KIF18A: variants seen among roughly 807,000 people sequenced by gnomAD.
The protein encoded by KIF18A is kinesin-like protein KIF18A.
A neutral mutation model predicts 103.3 loss-of-function variants in KIF18A; 67 were observed. The ratio of observed to expected loss-of-function variants is 0.65; its 90% CI spans 0.53 to 0.79. KIF18A has a LOEUF of 0.79. Among genes scored for constraint, KIF18A ranks in the 30% least tolerant of loss-of-function variants. KIF18A has a pLI of 0.00. For synonymous variants in KIF18A, 367 were observed against 355.5 expected (o/e 1.03, Z -0.36); for missense variants, 1,032 against 1,062.5 (o/e 0.97, Z 0.40).
intron 13 of KIF18A, among the ~76,000 whole-genome samples, chr11:28,048,177 T>C (rs543916644): frequency 2.0e-5 from 3 of 152,250 alleles, no homozygotes; most frequent in African/African-American, 4.8e-5. Flanking sequence ...ACTACACTTA[T>C]AATAGTTCTG....
intron 10 of KIF18A, among the ~76,000 whole-genome samples, chr11:28,069,707 C>A (rs1332870350): frequency 6.7e-6 from 1 of 148,402 alleles, no homozygotes. Context: ...TTTTTTTTGG[C>A]GTTAAAGTAC....
chr11:28,086,659 C>G (rs1590705247), intron 6 of KIF18A, among the ~76,000 whole-genome samples: 1 of 152,144 alleles, frequency 6.6e-6, no homozygotes, highest in South Asian at 2.1e-4. Context: ...GGTCCTAGTT[C>G]CCCCAATTCT....
At position 28,079,157 on chromosome 11, in the gene KIF18A, T is replaced by C. The variant is rs140578636; in HGVS notation, c.1263-1988A>G. Among the ~76,000 whole-genome samples, 283 of 152,156 alleles carry C rather than the reference T, an allele frequency of 1.9e-3. 1 individual carries two copies. Among genetic ancestry groups the C allele is most frequent in the African/African-American group, 6.5e-3 (269 of 41,554 alleles). The stretch of plus-strand genomic sequence containing the variant: ...TTACCAGAAAGAAAGGTTCAATTAT[T>C]TAAAGCCATCAACTCCAGAAAAGTT... On this transcript the variant is annotated intron_variant, in intron 9 of 16. Coordinates refer to ENST00000263181, the MANE Select transcript of KIF18A (RefSeq NM_031217.4).
chr11:28,024,965 G>A (rs769231254), intron 15 of KIF18A, among the ~76,000 whole-genome samples: 4 of 151,876 alleles, frequency 2.6e-5, no homozygotes, highest in Non-Finnish European at 4.4e-5. Context: ...ACATATCTAT[G>A]ATAAAGTTTA....
At chr11:28,048,148 T>C (rs1029083004) in intron 13 of KIF18A, among the ~76,000 whole-genome samples, 8 of 152,140 alleles carry the variant, frequency 5.3e-5, no homozygotes, top group African/African-American at 1.9e-4. Context: ...TCACCTTCAT[T>C]ACCCACTTAC....
chr11:28,075,017 A>G (rs1361179802), intron 10 of KIF18A, among the ~76,000 whole-genome samples: 1 of 152,174 alleles, frequency 6.6e-6, no homozygotes, highest in Non-Finnish European at 1.5e-5. Context: ...TTTATCTTAT[A>G]CTGCTTAGAA....
chr11:28,037,249 G>A (rs940220213), intron 13 of KIF18A, among the ~76,000 whole-genome samples: 1 of 151,386 alleles, frequency 6.6e-6, no homozygotes, highest in Non-Finnish European at 1.5e-5. Flanking sequence ...TAAAATTCTG[G>A]GTGAATGAAA....
intron 1 of KIF18A, among the ~76,000 whole-genome samples, chr11:28,103,671 GAATT>G (rs1051211661): frequency 2.0e-5 from 3 of 151,822 alleles, no homozygotes; most frequent in African/African-American, 4.8e-5. Context: ...ACCAATGAAT[GAATT>G]AATAAACTAT....
chr11:28,062,415 C>T lies in KIF18A; in HGVS notation c.1692G>A (p.Gln564=), dbSNP rs773145540. 129 of 1,610,566 alleles carry T rather than the reference C, an allele frequency of 8.0e-5. No homozygotes were observed. Among genetic ancestry groups the T allele is most frequent in the Non-Finnish European group, 1.1e-4 (125 of 1,178,078 alleles). Residue 564 remains glutamine, a synonymous_variant, in exon 12 of 17, where the codon CAG becomes CAA. Coordinates refer to ENST00000263181, the MANE Select transcript of KIF18A (RefSeq NM_031217.4). ...HMMDLACLQE[Q]QHRQTEAVLN... The stretch of plus-strand genomic sequence containing the variant: ...CTCACGCTTCAGTCTGCCTGTGTTG[C>T]TGTTCCTGAAGACAAGCTAGATCCA...
At chr11:28,078,964 A>AT (rs1347516654) in intron 9 of KIF18A, among the ~76,000 whole-genome samples, 3 of 152,164 alleles carry the variant, frequency 2.0e-5, no homozygotes, top group Middle Eastern at 3.2e-3. Flanking sequence ...TATTTGGTAC[A>AT]TAATTTTTAT....
At chr11:28,069,673 C>T (rs1329135403) in intron 10 of KIF18A, among the ~76,000 whole-genome samples, 1 of 151,800 alleles carries the variant, frequency 6.6e-6, no homozygotes, top group Admixed American at 6.6e-5. Flanking sequence ...AATACAACGA[C>T]CAAATCAAAG....
chr11:28,076,887 T>C (rs1481001102), intron 10 of KIF18A, 120 bp downstream of exon 10: 3 of 506,900 alleles, frequency 5.9e-6, no homozygotes, highest in East Asian at 3.8e-5. Context: ...TGAGCTGAGG[T>C]TGTGCCACTG....
At chr11:28,056,562 T>A (rs868708161) in intron 13 of KIF18A, among the ~76,000 whole-genome samples, 13 of 152,028 alleles carry the variant, frequency 8.6e-5, no homozygotes, top group Admixed American at 4.6e-4. Context: ...GTTAAGAATT[T>A]TCCAAAACAA....
chr11:28,081,648 T>G (rs1174499711), intron 9 of KIF18A, among the ~76,000 whole-genome samples: 1 of 152,174 alleles, frequency 6.6e-6, no homozygotes, highest in Non-Finnish European at 1.5e-5. Flanking sequence ...ACGAGAAGAT[T>G]AATGTTGTTT....
In KIF18A at chr11:28,069,423, C is replaced by A; in HGVS notation, c.1426G>T (p.Ala476Ser). 5 of 1,610,902 alleles carry A rather than the reference C, an allele frequency of 3.1e-6. No homozygotes were observed. The highest frequency in any genetic ancestry group is 4.2e-6 in the Non-Finnish European group (5 of 1,178,830). The change falls in exon 11 of 17, where the codon GCC becomes TCC. Residue 476 changes from alanine (A) to serine (S), a missense_variant and splice_region_variant. Physicochemically the swap from Ala to Ser is moderately conservative, Grantham distance 99 (BLOSUM62 1). Coordinates refer to ENST00000263181, the MANE Select transcript of KIF18A (RefSeq NM_031217.4). ...AGTCTATGATCTCGTTTTCCAGTGG[C>A]CTGAAACACGATTCATTTAACAGTA... The part of the protein sequence containing the change: ...MMCSEDKVEK[A>S]TGKRDHRLAM...
At chr11:28,085,801 T>C (rs1452878740) in intron 6 of KIF18A, among the ~76,000 whole-genome samples, 4 of 152,108 alleles carry the variant, frequency 2.6e-5, no homozygotes, top group African/African-American at 9.7e-5. Flanking sequence ...CAATCTCTCG[T>C]CTCCGCACAC....
chr11:28,035,678 A>T (rs1451156949), intron 14 of KIF18A, among the ~76,000 whole-genome samples, 184 bp from the exon 15 acceptor site: 8 of 151,576 alleles, frequency 5.3e-5, no homozygotes, highest in Non-Finnish European at 1.2e-4. Flanking sequence ...TAACACAGGT[A>T]AAGTTGCTAT....
rs149428464 is a variant in KIF18A at position 28,055,010 on chromosome 11, A to G, written c.1948+3916T>C. ...AGTATTTCTCAATCTTGGTGTTAAA[A>G]TCCTATTTCCTTTCTAACATCTTGA... On this transcript the variant is annotated intron_variant, in intron 13 of 16. Transcript: ENST00000263181. Among the ~76,000 whole-genome samples the G allele has an allele frequency of 1.3e-3, 200 of 152,276 alleles. 2 individuals are homozygous for G. In the East Asian group the frequency reaches 0.036, roughly 28 times the overall value.
intron 15 of KIF18A, among the ~76,000 whole-genome samples, chr11:28,032,927 A>G (rs1850429981): frequency 6.6e-6 from 1 of 151,906 alleles, no homozygotes; most frequent in East Asian, 1.9e-4. Flanking sequence ...TGAAGAGACA[A>G]CCCACAGAAT....
Sources: gnomAD v4.1 joint callset for allele counts (sites outside exome capture counted in the v4.1 genomes callset) on GRCh38, gnomAD v4.1.1 for gene constraint, MANE v1.5 for transcripts, NCBI Gene and HGNC (gene_info 2026-07-23, HGNC 2026-07-21) for gene names.